ZNF347: variants seen among roughly 807,000 people sequenced by gnomAD.
The protein encoded by ZNF347 is zinc finger protein 347.
A neutral mutation model predicts 12.9 loss-of-function variants in ZNF347; 19 were observed. The observed-to-expected ratio is 1.47, with a 90% CI of 1.03 to 2.16. The LOEUF is 2.16. ZNF347 is among the 30% of genes most tolerant of loss of function. The pLI, the probability that ZNF347 is intolerant of heterozygous loss-of-function variation, is 0.00. For synonymous variants in ZNF347, 328 were observed against 340.6 expected (o/e 0.96, Z 0.41); for missense variants, 1,005 against 990.6 (o/e 1.01, Z -0.19).
At chr19:53,150,614 G>A (rs2090491092) in intron 2 of ZNF347, among the ~76,000 whole-genome samples, 1 of 152,124 alleles carries the variant, frequency 6.6e-6, no homozygotes, top group South Asian at 2.1e-4. Context: ...GATGTCTTAC[G>A]AGATGAAAAT....
At position 53,140,409 on chromosome 19, in the gene ZNF347, T is replaced by C. The variant is rs755912629; in HGVS notation, c.2419A>G (p.Thr807Ala). ...CCACCAGTATGGATTGTCTGATGGGTAGTTAGGCTTGAACAGATACTAAAG... is the reference window on the plus strand; with the variant it reads ...CCACCAGTATGGATTGTCTGATGGGCAGTTAGGCTTGAACAGATACTAAAG... Reference protein sequence around the residue: ...KPFSICSSLTTHQTIHTGGKP... With the variant: ...KPFSICSSLTAHQTIHTGGKP... The change falls in exon 5 of 5, where the codon ACC becomes GCC. Residue 807 changes from threonine (T) to alanine (A), a missense_variant. Physicochemically the swap from Thr to Ala is moderately conservative, Grantham distance 58 (BLOSUM62 0). Transcript: ENST00000334197. The C allele has an allele frequency of 3.7e-6, 6 of 1,613,678 alleles. No homozygotes were observed. In the African/African-American group the frequency reaches 8.0e-5, roughly 22 times the overall value.
At position 53,149,370 on chromosome 19, in the gene ZNF347, A is replaced by G. The variant is rs1182026786; in HGVS notation, c.16-3T>C. On this transcript the variant is annotated splice_polypyrimidine_tract_variant and splice_region_variant and intron_variant, in intron 2 of 4. Transcript: ENST00000334197. ...ACATCCCTGAATGTCACCTGTCCCT[A>G]AAATGAAAAACACATCCACCAGGGG... The G allele has an allele frequency of 6.2e-7, 1 of 1,613,552 alleles. No individual in the cohort carries two copies. The highest frequency in any genetic ancestry group is 8.5e-7 in the Non-Finnish European group (1 of 1,179,698).
rs1055346 is a variant in ZNF347, at chr19:53,138,831, A to G, written c.*1477T>C. On this transcript the variant is annotated 3_prime_UTR_variant, in exon 5 of 5. Coordinates refer to ENST00000334197, the MANE Select transcript of ZNF347 (RefSeq NM_032584.3). ...TATAAGAAAACGTTGAATTTTTTTT[A>G]GCAAAACATTATGTCTGTGACACAT... is the stretch of plus-strand genomic sequence containing the variant. 0.87 allele frequency: 132,284 copies of G among 152,076 alleles called. 57,581 individuals are homozygous for G. Among genetic ancestry groups the G allele is most frequent in the Admixed American group, 0.9 (13,723 of 15,260 alleles). The allele number at this position is 152,076 out of a possible 1,614,324, so 9.4% of individuals were successfully genotyped here.
At chr19:53,152,744 C>G (rs1391318127) in intron 2 of ZNF347, among the ~76,000 whole-genome samples, 1 of 151,596 alleles carries the variant, frequency 6.6e-6, no homozygotes, top group Non-Finnish European at 1.5e-5. Flanking sequence ...TCCTGGCTAA[C>G]ACAGTGAAAC....
At chr19:53,153,661 T>C in intron 2 of ZNF347, 72 bp downstream of exon 2, 2 of 1,581,110 alleles carry the variant, frequency 1.3e-6, no homozygotes, top group Admixed American at 3.3e-5. Flanking sequence ...TCAGAGAAGA[T>C]TCCCAACTTC....
At chr19:53,147,833 T>C (rs2090473075) in intron 4 of ZNF347, among the ~76,000 whole-genome samples, 1 of 152,180 alleles carries the variant, frequency 6.6e-6, no homozygotes, top group Non-Finnish European at 1.5e-5. Context: ...GTGGGATCTA[T>C]TCCAGGAATG....
Position 53,141,402 on chromosome 19 carries a change from G to A in ZNF347, c.1426C>T (p.Gln476Ter). The A allele has an allele frequency of 6.2e-7, 1 of 1,613,906 alleles. No individual in the cohort carries two copies. Among genetic ancestry groups the A allele is most frequent in the South Asian group, 1.1e-5 (1 of 91,068 alleles). ...FRRNSHLARH[Q>*]LIHTGEKPYK... is the part of the protein sequence containing the mutation. ...GGTTTCTCTCCAGTATGAATTAGCTGATGCCTTGCAAGGTGTGAATTACGC... is the reference window on the plus strand; with the variant it reads ...GGTTTCTCTCCAGTATGAATTAGCTAATGCCTTGCAAGGTGTGAATTACGC... The change falls in exon 5 of 5, where the codon CAG becomes TAG. Residue 476 changes from glutamine to a stop codon, truncating the protein, a stop_gained. Transcript: ENST00000334197. LOFTEE classifies it low-confidence loss of function (END_TRUNC).
At chr19:53,157,111 A>G (rs2090540720) in intron 1 of ZNF347, among the ~76,000 whole-genome samples, 1 of 152,216 alleles carries the variant, frequency 6.6e-6, no homozygotes, top group Admixed American at 6.5e-5. Context: ...AAATGAGCGA[A>G]GTCACTGCCC....
intron 2 of ZNF347, among the ~76,000 whole-genome samples, chr19:53,152,908 C>T (rs1014303626): frequency 6.6e-5 from 10 of 151,996 alleles, no homozygotes; most frequent in African/African-American, 1.2e-4. Flanking sequence ...CCAGCCTGGG[C>T]GACAGAGCAA....
At chr19:53,148,603 C>T in intron 4 of ZNF347, 78 bp downstream of exon 4, 4 of 1,490,582 alleles carry the variant, frequency 2.7e-6, no homozygotes, top group Non-Finnish European at 3.6e-6. Flanking sequence ...TGTTTTCCCA[C>T]AGAACTCTCA....
At chr19:53,148,852 CAG>C in intron 3 of ZNF347, 43 bp from the exon 4 acceptor site, 1 of 1,603,994 alleles carries the variant, frequency 6.2e-7, no homozygotes, top group South Asian at 1.1e-5. Flanking sequence ...GTAGATTTTC[CAG>C]AGTCCCAGTC....
chr19:53,143,271 C>T (rs975443222), intron 4 of ZNF347, among the ~76,000 whole-genome samples: 1 of 151,842 alleles, frequency 6.6e-6, no homozygotes, highest in East Asian at 1.9e-4. Context: ...TACATGTGCA[C>T]AATGTGCAGG....
intron 2 of ZNF347, among the ~76,000 whole-genome samples, chr19:53,150,721 T>C (rs1432230644): frequency 6.6e-6 from 1 of 152,152 alleles, no homozygotes; most frequent in Non-Finnish European, 1.5e-5. Context: ...GTGCAAGGCA[T>C]TATTCTATTT....
chr19:53,142,555 A>C lies in ZNF347; in HGVS notation c.273T>G (p.Ala91=). 6.4e-7 allele frequency: 1 copy of C among 1,573,030 alleles called. No homozygotes were observed. Among genetic ancestry groups the C allele is most frequent in the African/African-American group, 1.4e-5 (1 of 73,608 alleles). ...GWEWIKAVIT[A]LSSEFVMKDL... ...CTTTCATTACAAATTCGGAAGAGAG[A>C]GCTACAAGATATAAAGATCCATAGG... The change falls in exon 5 of 5, where the codon GCT becomes GCG. Residue 91 remains alanine, a splice_region_variant and synonymous_variant. Transcript: ENST00000334197.
At chr19:53,154,374 C>T (rs1172535840) in intron 1 of ZNF347, among the ~76,000 whole-genome samples, 15 of 151,896 alleles carry the variant, frequency 9.9e-5, no homozygotes, top group Admixed American at 9.8e-4. Flanking sequence ...CTTGTAACCT[C>T]AGCACTTTGG....
Position 53,141,771 on chromosome 19 carries a change from C to T in ZNF347, c.1057G>A (p.Val353Ile). The T allele has an allele frequency of 6.2e-7, 1 of 1,613,630 alleles. No homozygotes were observed. Among genetic ancestry groups the T allele is most frequent in the Non-Finnish European group, 8.5e-7 (1 of 1,179,794 alleles). The change falls in exon 5 of 5, where the codon GTC (valine) becomes ATC (isoleucine). Residue 353 changes from valine (V) to isoleucine (I), a missense_variant. By Grantham distance (29) the Val-to-Ile change is conservative. Coordinates refer to ENST00000334197, the MANE Select transcript of ZNF347 (RefSeq NM_032584.3). ...KPYKCNECGK[V>I]FTQNSHLVRH... is the part of the protein sequence containing the mutation. ...ACAAGGTGTGAATTCTGAGTGAAGA[C>T]CTTGCCACATTCGTTACATTTATAA...
rs972886142 is a variant in ZNF347 at position 53,152,793 on chromosome 19, G to A, written c.15+940C>T. On this transcript the variant is annotated intron_variant, in intron 2 of 4. Coordinates refer to ENST00000334197, the MANE Select transcript of ZNF347 (RefSeq NM_032584.3). Reference sequence around the variant, plus strand: ...AAAATACAAAAAATTAGCCGGGCATGGTGGCGGGCGCCTGTAGTCCCAGTT... The same window carrying A: ...AAAATACAAAAAATTAGCCGGGCATAGTGGCGGGCGCCTGTAGTCCCAGTT... 3.9e-5 allele frequency among the ~76,000 whole-genome samples: 6 copies of A among 152,104 alleles called. No individual in the cohort carries two copies. In the East Asian group the frequency reaches 7.8e-4, roughly 20 times the overall value.
At position 53,140,961 on chromosome 19, in the gene ZNF347, T is replaced by C. The variant is rs1381240709; in HGVS notation, c.1867A>G (p.Lys623Glu). 1 of 1,614,028 alleles carries C rather than the reference T, an allele frequency of 6.2e-7. No homozygotes were observed. Residue 623 changes from lysine (K) to glutamate (E), a missense_variant, in exon 5 of 5, where the codon AAA becomes GAA. Coordinates refer to ENST00000334197, the MANE Select transcript of ZNF347 (RefSeq NM_032584.3). ...CCATACTCATTATACTTGTAAGGTTTCTCTCCAGTATGAATTCGCTGATGC... is the reference window on the plus strand; with the variant it reads ...CCATACTCATTATACTTGTAAGGTTCCTCTCCAGTATGAATTCGCTGATGC... Reference protein sequence around the residue: ...SRHQRIHTGEKPYKYNEYGKA... With the variant: ...SRHQRIHTGEEPYKYNEYGKA...
rs1412207423 is a variant in ZNF347, at chr19:53,148,711, C to A, written c.241G>T (p.Gly81Ter). The A allele has an allele frequency of 6.2e-7, 1 of 1,613,838 alleles. No individual in the cohort carries two copies. Among genetic ancestry groups the A allele is most frequent in the Non-Finnish European group, 8.5e-7 (1 of 1,179,928 alleles). ...ATCACAGCTTTGATCCATTCCCATC[C>A]ATCTGGGTTTCCTGCTATTTGTACT... is the stretch of plus-strand genomic sequence containing the variant. Reference protein sequence around the residue: ...SQVQIAGNPDGWEWIKAVITA... With the variant: ...SQVQIAGNPD Residue 81 changes from glycine to a stop codon, truncating the protein, a stop_gained, in exon 4 of 5, where the codon GGA (glycine) becomes TGA (stop). Transcript: ENST00000334197. LOFTEE classifies it low-confidence loss of function (END_TRUNC).
Sources: allele counts gnomAD v4.1 joint callset (sites outside exome capture counted in the v4.1 genomes callset), GRCh38; gene constraint gnomAD v4.1.1; transcripts MANE v1.5; gene names NCBI Gene and HGNC (gene_info 2026-07-23, HGNC 2026-07-21).